Variants in TRIM44 observed in about 807,000 individuals in gnomAD.
TRIM44 encodes the protein tripartite motif-containing protein 44.
A neutral mutation model predicts 37.4 loss-of-function variants in TRIM44; 13 were observed. That is an observed-to-expected ratio of 0.35 (90% CI 0.23 to 0.55). The LOEUF is 0.55. TRIM44 is among the 20% of genes least tolerant of loss of function. The probability of loss-of-function intolerance (pLI) is 0.89; values close to 1 mark genes in which losing one functional copy is unlikely to be tolerated. For missense variants in TRIM44, 426 were observed against 437.2 expected (o/e 0.97, Z 0.23); for synonymous variants, 175 against 157.2 (o/e 1.11, Z -0.85).
intron 2 of TRIM44, among the ~76,000 whole-genome samples, chr11:35,686,368 G>T (rs74642309): frequency 0.027 from 3,839 of 143,088 alleles, 136 homozygotes; most frequent in East Asian, 0.11. Context: ...TTTTGTTTTT[G>T]TTTTTGTTTT....
At chr11:35,690,750 G>A (rs1851628836) in intron 2 of TRIM44, among the ~76,000 whole-genome samples, 1 of 152,142 alleles carries the variant, frequency 6.6e-6, no homozygotes, top group Admixed American at 6.5e-5. Flanking sequence ...CATGGAACCT[G>A]GCACATAGTA....
chr11:35,737,733 G>A (rs928193713), intron 4 of TRIM44, among the ~76,000 whole-genome samples: 14 of 152,200 alleles, frequency 9.2e-5, no homozygotes, highest in African/African-American at 3.4e-4. Flanking sequence ...CTACTCGGGA[G>A]GCTAAGGCAG....
At chr11:35,702,119 A>G (rs998627659) in intron 2 of TRIM44, among the ~76,000 whole-genome samples, 7 of 152,188 alleles carry the variant, frequency 4.6e-5, no homozygotes. Context: ...AGGAATATAC[A>G]TGTGACTAAA....
At chr11:35,742,616 AT>A (rs1249189055) in intron 4 of TRIM44, among the ~76,000 whole-genome samples, 1 of 132,886 alleles carries the variant, frequency 7.5e-6, no homozygotes, top group Non-Finnish European at 1.5e-5. Flanking sequence ...TATTAATTAT[AT>A]TAATTGTATT....
chr11:35,665,249 A>G (rs1414974722), intron 1 of TRIM44, among the ~76,000 whole-genome samples: 1 of 152,156 alleles, frequency 6.6e-6, no homozygotes. Context: ...ATATAAACGC[A>G]GGAGTGAAAT....
chr11:35,732,643 C>T (rs1852276737), intron 3 of TRIM44, among the ~76,000 whole-genome samples: 1 of 151,958 alleles, frequency 6.6e-6, no homozygotes, highest in South Asian at 2.1e-4. Flanking sequence ...GAGTGGCAAA[C>T]CCTACAAATG....
intron 4 of TRIM44, among the ~76,000 whole-genome samples, chr11:35,800,063 G>T (rs568308304): frequency 1.4e-4 from 1 of 6,906 alleles, no homozygotes; most frequent in South Asian, 0.025. Flanking sequence ...TCTTGATCTC[G>T]CTGACTTTCA....
At chr11:35,755,608 G>A (rs1261719589) in intron 4 of TRIM44, among the ~76,000 whole-genome samples, 1 of 152,144 alleles carries the variant, frequency 6.6e-6, no homozygotes, top group Non-Finnish European at 1.5e-5. Context: ...GTAATGCCTA[G>A]GTTTTCTTCT....
intron 4 of TRIM44, among the ~76,000 whole-genome samples, chr11:35,739,079 G>A (rs1379455503): frequency 6.6e-6 from 1 of 151,954 alleles, no homozygotes; most frequent in Non-Finnish European, 1.5e-5. Flanking sequence ...TGATATTAGG[G>A]GACCAAATGT....
At chr11:35,726,632 A>G (rs763606024) in intron 3 of TRIM44, among the ~76,000 whole-genome samples, 5 of 151,698 alleles carry the variant, frequency 3.3e-5, no homozygotes, top group Non-Finnish European at 5.9e-5. Context: ...CATAAATTGG[A>G]GGCATAACTG....
rs189311164 is a variant in TRIM44, at chr11:35,693,489, A to G, written c.747+8153A>G. Among the ~76,000 whole-genome samples, 76 of 152,182 alleles carry G rather than the reference A, an allele frequency of 5.0e-4. 1 individual carries two copies. The highest frequency in any genetic ancestry group is 1.8e-3 in the African/African-American group (74 of 41,554). On this transcript the variant is annotated intron_variant, in intron 2 of 4. Coordinates refer to ENST00000299413, the MANE Select transcript of TRIM44 (RefSeq NM_017583.6). ...CTTTATGCTGGAGTATACTGTTTGC[A>G]GGAGAAAAACAAAACCCGGTCCTTT...
Position 35,663,016 on chromosome 11 carries a change from G to T in TRIM44, c.-96G>T. 2.1e-6 allele frequency: 3 copies of T among 1,432,200 alleles called. No individual in the cohort carries two copies. Among genetic ancestry groups the T allele is most frequent in the Non-Finnish European group, 2.7e-6 (3 of 1,098,918 alleles). The allele number at this position is 1,432,200 out of a possible 1,614,324, so 88.7% of individuals were successfully genotyped here. On this transcript the variant is annotated 5_prime_UTR_variant, in exon 1 of 5. In the 5' UTR this introduces an upstream ATG that the reference lacks. Coordinates refer to ENST00000299413, the MANE Select transcript of TRIM44 (RefSeq NM_017583.6). ...GGTCCAGGCGGGAGGCGACTCCCTA[G>T]GAAGGGACCCGGGGCGGGAGGAGGA...
At chr11:35,792,787 T>C (rs985727196) in intron 4 of TRIM44, among the ~76,000 whole-genome samples, 3 of 152,164 alleles carry the variant, frequency 2.0e-5, no homozygotes, top group Admixed American at 2.0e-4. Context: ...GCCCTGAACC[T>C]CTGGAGGCTG....
chr11:35,686,643 C>G (rs1248497071), intron 2 of TRIM44, among the ~76,000 whole-genome samples: 2 of 151,896 alleles, frequency 1.3e-5, no homozygotes, highest in African/African-American at 4.8e-5. Context: ...TGCAACCTCT[C>G]CCTCCCAGGT....
chr11:35,690,307 T>C (rs1198874739), intron 2 of TRIM44, among the ~76,000 whole-genome samples: 1 of 152,240 alleles, frequency 6.6e-6, no homozygotes, highest in Non-Finnish European at 1.5e-5. Context: ...TGCAATCATT[T>C]GTCATAGCTG....
At chr11:35,752,124 T>G (rs1268990290) in intron 4 of TRIM44, among the ~76,000 whole-genome samples, 1 of 152,094 alleles carries the variant, frequency 6.6e-6, no homozygotes, top group South Asian at 2.1e-4. Context: ...CTCAGGCCAG[T>G]AGCCGAGGAA....
chr11:35,718,275 T>C (rs1005714731), intron 2 of TRIM44, among the ~76,000 whole-genome samples: 4 of 152,136 alleles, frequency 2.6e-5, no homozygotes, highest in African/African-American at 9.7e-5. Flanking sequence ...CCTGGTCCAT[T>C]TGATGGTCAC....
In TRIM44 at chr11:35,676,755, G is replaced by T. The variant is rs149990088; in HGVS notation, c.670-8504G>T. On this transcript the variant is annotated intron_variant, in intron 1 of 4. Transcript: ENST00000299413. ...ATTTTCCTCTGTGAATTTTGAGTGT[G>T]TGTGAACCCTGGCAGGCTCTAACCT... Among the ~76,000 whole-genome samples, 213 of 152,282 alleles carry T rather than the reference G, an allele frequency of 1.4e-3. 1 individual carries two copies. The highest frequency in any genetic ancestry group is 4.8e-3 in the African/African-American group (201 of 41,554).
At chr11:35,798,688 G>A (rs1033125161) in intron 4 of TRIM44, among the ~76,000 whole-genome samples, 1 of 152,172 alleles carries the variant, frequency 6.6e-6, no homozygotes, top group Admixed American at 6.5e-5. Flanking sequence ...TAATTTAAAT[G>A]CCCAATATTA....
Sources: allele counts gnomAD v4.1 joint callset (sites outside exome capture counted in the v4.1 genomes callset), GRCh38; gene constraint gnomAD v4.1.1; transcripts MANE v1.5; gene names NCBI Gene and HGNC (gene_info 2026-07-23, HGNC 2026-07-21).